Variants in VPS13B observed in about 807,000 individuals in gnomAD.
The protein encoded by VPS13B is intermembrane lipid transfer protein VPS13B.
VPS13B carries 285 observed loss-of-function variants against 426.4 expected under a neutral mutation model. The ratio of observed to expected loss-of-function variants is 0.67; its 90% CI spans 0.61 to 0.74. VPS13B has a LOEUF of 0.74. VPS13B is among the 30% of genes least tolerant of loss of function. The pLI, the probability that VPS13B is intolerant of heterozygous loss-of-function variation, is 0.00. For synonymous variants in VPS13B, 1,676 were observed against 1,676.4 expected, an observed-to-expected ratio of 1.00 and a Z score of 0.01; for missense variants, 4,537 against 4,782.6, an observed-to-expected ratio of 0.95 and a Z score of 1.51.
chr8:99,089,366 G>T (rs1400630660), intron 3 of VPS13B, among the ~76,000 whole-genome samples: 1 of 152,100 alleles, frequency 6.6e-6, no homozygotes, highest in Non-Finnish European at 1.5e-5. Flanking sequence ...CAATTTAGAA[G>T]TTTATTTTGC....
chr8:99,433,354 A>C (rs1303086365), intron 22 of VPS13B, among the ~76,000 whole-genome samples: 3 of 152,174 alleles, frequency 2.0e-5, no homozygotes, highest in South Asian at 4.1e-4. Context: ...CTTTTGAGAA[A>C]ATTTTAGAAG....
intron 19 of VPS13B, among the ~76,000 whole-genome samples, chr8:99,354,897 A>G (rs915741151): frequency 3.9e-5 from 6 of 152,288 alleles, no homozygotes; most frequent in African/African-American, 1.4e-4. Context: ...TTCGGGCAAC[A>G]CTCAGAGTGG....
intron 33 of VPS13B, among the ~76,000 whole-genome samples, chr8:99,607,310 A>C (rs1827638216): frequency 6.6e-6 from 1 of 152,232 alleles, no homozygotes; most frequent in East Asian, 1.9e-4. Context: ...TAATCTGGAT[A>C]GATGGAGCCC....
intron 43 of VPS13B, among the ~76,000 whole-genome samples, chr8:99,807,169 C>T (rs1360475031): frequency 6.6e-6 from 1 of 152,172 alleles, no homozygotes; most frequent in African/African-American, 2.4e-5. Flanking sequence ...TTTCATAATT[C>T]AAAGAAAATA....
chr8:99,656,897 G>A (rs1830038541), intron 34 of VPS13B, among the ~76,000 whole-genome samples: 1 of 152,140 alleles, frequency 6.6e-6, no homozygotes, highest in African/African-American at 2.4e-5. Flanking sequence ...GCCCTATCCT[G>A]CATTCAATTT....
At chr8:99,588,255 G>A (rs1826414718) in intron 33 of VPS13B, among the ~76,000 whole-genome samples, 1 of 151,772 alleles carries the variant, frequency 6.6e-6, no homozygotes. Context: ...GTAGCACGAT[G>A]CCTCCAGCTT....
chr8:99,821,914 G>A (rs1814391601), intron 50 of VPS13B, among the ~76,000 whole-genome samples: 1 of 152,094 alleles, frequency 6.6e-6, no homozygotes, highest in Non-Finnish European at 1.5e-5. Context: ...AAAATTATGT[G>A]GATCAATTCT....
At chr8:99,060,089 G>GCTCTGTC in intron 3 of VPS13B, among the ~76,000 whole-genome samples, 2 of 151,990 alleles carry the variant, frequency 1.3e-5, no homozygotes, top group Non-Finnish European at 2.9e-5. Context: ...GAACATTATT[G>GCTCTGTC]AAAAAGAAGT....
intron 3 of VPS13B, among the ~76,000 whole-genome samples, chr8:99,075,430 A>T (rs1366146741): frequency 6.6e-6 from 1 of 152,146 alleles, no homozygotes; most frequent in African/African-American, 2.4e-5. Flanking sequence ...GCAAGAACTC[A>T]CTATTGTAAG....
chr8:99,469,304 G>A (rs539314462), intron 24 of VPS13B, among the ~76,000 whole-genome samples: 1 of 151,626 alleles, frequency 6.6e-6, no homozygotes, highest in East Asian at 1.9e-4. Context: ...GAGTAGCTGG[G>A]ACTATAGACA....
At chr8:99,823,122 G>A (rs1387030482) in intron 50 of VPS13B, among the ~76,000 whole-genome samples, 1 of 152,126 alleles carries the variant, frequency 6.6e-6, no homozygotes, top group Non-Finnish European at 1.5e-5. Context: ...TACATGTAGT[G>A]GTTAAGAGCA....
intron 23 of VPS13B, among the ~76,000 whole-genome samples, chr8:99,466,418 A>G (rs543023196): frequency 1.3e-5 from 2 of 152,280 alleles, no homozygotes; most frequent in East Asian, 3.9e-4. Context: ...CACTAGTAGA[A>G]TTGTAAAGTC....
At chr8:99,275,284 T>G (rs745351559) in intron 19 of VPS13B, 30 bp downstream of exon 19, 2 of 1,510,428 alleles carry the variant, frequency 1.3e-6, no homozygotes, top group East Asian at 2.3e-5. Flanking sequence ...TATTCCCTTG[T>G]TTTGCTTTTT....
Position 99,754,471 on chromosome 8 carries a change from C to T in VPS13B, c.7051-12303C>T, listed in dbSNP as rs1261355254. Among the ~76,000 whole-genome samples the T allele has an allele frequency of 3.9e-5, 6 of 152,182 alleles. No individual in the cohort carries two copies. The East Asian group carries it at 1.2e-3, about 29-fold the overall frequency. On this transcript the variant is annotated intron_variant, in intron 39 of 61. Transcript: ENST00000357162. ...CCCTAACACATTCATAAAGAGAAAC[C>T]TCCCATTATTGTACAAAGACAAAGC... is the stretch of plus-strand genomic sequence containing the variant.
chr8:99,358,618 T>C (rs575911560), intron 19 of VPS13B, among the ~76,000 whole-genome samples: 29 of 152,308 alleles, frequency 1.9e-4, no homozygotes, highest in African/African-American at 4.1e-4. Flanking sequence ...AATGTTTTGC[T>C]TTTTCTTTTG....
intron 24 of VPS13B, among the ~76,000 whole-genome samples, chr8:99,473,700 AT>A (rs1819534179): frequency 6.6e-6 from 1 of 152,204 alleles, no homozygotes; most frequent in South Asian, 2.1e-4. Context: ...AGATATAAAG[AT>A]AAGAAATGAA....
intron 8 of VPS13B, among the ~76,000 whole-genome samples, chr8:99,124,058 A>T (rs995838742): frequency 6.6e-6 from 1 of 152,176 alleles, no homozygotes; most frequent in African/African-American, 2.4e-5. Context: ...GCTCTGAGGC[A>T]CTGTGATGAT....
chr8:99,675,722 G>A (rs1478573409), intron 35 of VPS13B, among the ~76,000 whole-genome samples: 4 of 151,916 alleles, frequency 2.6e-5, no homozygotes, highest in Admixed American at 2.0e-4. Context: ...CAATTCTGCT[G>A]TTGATATTCT....
intron 30 of VPS13B, among the ~76,000 whole-genome samples, chr8:99,542,968 T>G (rs541938228): frequency 2.0e-3 from 299 of 152,194 alleles, no homozygotes; most frequent in African/African-American, 7.0e-3. Flanking sequence ...CTACTTTAAA[T>G]TTCATTTGGA....
Sources: allele counts gnomAD v4.1 joint callset (sites outside exome capture counted in the v4.1 genomes callset), GRCh38; gene constraint gnomAD v4.1.1; transcripts MANE v1.5; gene names NCBI Gene and HGNC (gene_info 2026-07-23, HGNC 2026-07-21).